The following OSTF1 variants were observed in gnomAD, a reference collection of about 807,000 sequenced individuals.
OSTF1 encodes osteoclast stimulating factor 1, also known as osteoclast-stimulating factor 1.
A neutral mutation model predicts 37.2 loss-of-function variants in OSTF1; 27 were observed. That is an observed-to-expected ratio of 0.73 (90% CI 0.54 to 1.00). The LOEUF is 1.00. Among genes scored for constraint, OSTF1 ranks in the 50% least tolerant of loss-of-function variants. The pLI is 0.00. For synonymous variants in OSTF1, 82 were observed against 89.2 expected (o/e 0.92, Z 0.46); for missense variants, 232 against 253.8 (o/e 0.91, Z 0.58).
intron 1 of OSTF1, among the ~76,000 whole-genome samples, chr9:75,090,314 TGTGTGTGTGTG>T (rs1157380639): frequency 6.6e-6 from 1 of 151,908 alleles, no homozygotes; most frequent in South Asian, 2.1e-4. Context: ...TGTGTGTGTG[TGTGTGTGTGTG>T]TGTGTACACA....
At position 75,117,554 on chromosome 9, in the gene OSTF1, A is replaced by C; in HGVS notation, c.81+4A>C. ...GTATACGTTTGAACCCAGAACTGTA[A>C]GTGTTCAGTTTTTAACTTCTAAAAT... On this transcript the variant is annotated splice_donor_region_variant and intron_variant, in intron 2 of 9. Transcript: ENST00000346234. The C allele has an allele frequency of 6.3e-7, 1 of 1,599,642 alleles. No individual in the cohort carries two copies. The highest frequency in any genetic ancestry group is 8.6e-7 in the Non-Finnish European group (1 of 1,167,638).
At chr9:75,145,499 G>A (rs1826009451) in intron 9 of OSTF1, among the ~76,000 whole-genome samples, 1 of 152,066 alleles carries the variant, frequency 6.6e-6, no homozygotes, top group African/African-American at 2.4e-5. Context: ...TTCACTAAAC[G>A]GCACAAAATG....
At chr9:75,118,745 C>T (rs1825533069) in intron 2 of OSTF1, among the ~76,000 whole-genome samples, 1 of 152,084 alleles carries the variant, frequency 6.6e-6, no homozygotes, top group African/African-American at 2.4e-5. Flanking sequence ...AAAGGGGAAA[C>T]CCCTTATAAA....
chr9:75,090,463 T>A (rs2118356245), intron 1 of OSTF1, among the ~76,000 whole-genome samples: 1 of 152,264 alleles, frequency 6.6e-6, no homozygotes, highest in East Asian at 1.9e-4. Context: ...ACATGACAGG[T>A]GTTTAGAGGG....
chr9:75,112,613 CAAAT>C (rs1423127495), intron 1 of OSTF1, among the ~76,000 whole-genome samples: 2 of 152,146 alleles, frequency 1.3e-5, no homozygotes, highest in African/African-American at 4.8e-5. Context: ...AATCAAAATG[CAAAT>C]AAATCTCCCA....
chr9:75,089,279 C>G (rs1824894790), intron 1 of OSTF1, among the ~76,000 whole-genome samples: 1 of 150,026 alleles, frequency 6.7e-6, no homozygotes, highest in South Asian at 2.1e-4. Flanking sequence ...ACCCTATACT[C>G]GCGCTCCTGG....
At chr9:75,117,748 G>C (rs143642916) in intron 2 of OSTF1, among the ~76,000 whole-genome samples, 198 bp downstream of exon 2, 1 of 152,166 alleles carries the variant, frequency 6.6e-6, no homozygotes, top group African/African-American at 2.4e-5. Context: ...GGTCATGTCT[G>C]TCTTGTAAAG....
rs1174174895 is a variant in OSTF1, at chr9:75,128,363, CATATATATATATATATATATATATATAT to C, written c.132+761_132+788del. ...GTAGAATATGGATATGTATGAAAGA[CATATATATATATATATATATATATATAT>C]ATATATATATATATATTTTGTCCAT... On this transcript the variant is annotated intron_variant, in intron 3 of 9. Coordinates refer to ENST00000346234, the MANE Select transcript of OSTF1 (RefSeq NM_012383.5). Among the ~76,000 whole-genome samples the C allele has an allele frequency of 4.6e-3, 53 of 11,520 alleles. No individual in the cohort carries two copies. In the East Asian group the frequency reaches 0.079, roughly 17 times the overall value. 7.6% of individuals were successfully genotyped at this position (11,520 alleles called of 152,430 possible). A position where few individuals can be genotyped will look rare whatever the true frequency, so the allele number is the denominator to read the frequency against.
intron 9 of OSTF1, among the ~76,000 whole-genome samples, chr9:75,145,898 C>T (rs1177142656): frequency 6.6e-6 from 1 of 152,200 alleles, no homozygotes; most frequent in African/African-American, 2.4e-5. Context: ...CCATCCCTTA[C>T]ACTTCCTGCC....
intron 9 of OSTF1, 119 bp from the exon 10 acceptor site, chr9:75,146,564 A>G: frequency 2.8e-6 from 2 of 718,768 alleles, no homozygotes; most frequent in Non-Finnish European, 2.4e-6. Flanking sequence ...CAGGGAAAGT[A>G]CAATCCCTGG....
At chr9:75,114,643 C>G (rs1825450703) in intron 1 of OSTF1, among the ~76,000 whole-genome samples, 1 of 151,916 alleles carries the variant, frequency 6.6e-6, no homozygotes, top group Non-Finnish European at 1.5e-5. Flanking sequence ...ACCTCCACCT[C>G]CTGGGTTCAG....
At chr9:75,134,467 C>T in intron 7 of OSTF1, 72 bp downstream of exon 7, 1 of 740,362 alleles carries the variant, frequency 1.4e-6, no homozygotes, top group Non-Finnish European at 2.3e-6. Flanking sequence ...AACTCATGGG[C>T]ATGTGAAGTA....
At chr9:75,143,879 A>C (rs1188914395) in intron 9 of OSTF1, among the ~76,000 whole-genome samples, 1 of 152,224 alleles carries the variant, frequency 6.6e-6, no homozygotes, top group Non-Finnish European at 1.5e-5. Flanking sequence ...CATGAAAGGA[A>C]AGAAGGAGAA....
intron 8 of OSTF1, among the ~76,000 whole-genome samples, chr9:75,138,515 A>G (rs560303930): frequency 1.3e-5 from 2 of 152,344 alleles, no homozygotes; most frequent in Admixed American, 6.5e-5. Flanking sequence ...TGTAAAATGC[A>G]TACCAGATTT....
At chr9:75,109,174 G>A (rs12342820) in intron 1 of OSTF1, among the ~76,000 whole-genome samples, 9,240 of 151,852 alleles carry the variant, frequency 0.061, 386 homozygotes, top group African/African-American at 0.11. Flanking sequence ...CAACACGCCC[G>A]GCTAGTTTTT....
chr9:75,129,601 C>T (rs546901840), intron 3 of OSTF1, among the ~76,000 whole-genome samples: 1 of 152,258 alleles, frequency 6.6e-6, no homozygotes, highest in South Asian at 2.1e-4. Flanking sequence ...AATTAAACCT[C>T]TAGAACTGAT....
chr9:75,095,450 A>G (rs1464392926), intron 1 of OSTF1, among the ~76,000 whole-genome samples: 1 of 152,190 alleles, frequency 6.6e-6, no homozygotes, highest in Non-Finnish European at 1.5e-5. Flanking sequence ...GAGGCAGCTG[A>G]GAAGATGTTA....
chr9:75,136,247 A>C (rs552516161), intron 7 of OSTF1, among the ~76,000 whole-genome samples: 16 of 152,310 alleles, frequency 1.1e-4, no homozygotes, highest in African/African-American at 3.8e-4. Context: ...TCTTGCTGAT[A>C]TAATATTTAT....
chr9:75,091,224 A>G (rs1414778464), intron 1 of OSTF1, among the ~76,000 whole-genome samples: 1 of 151,418 alleles, frequency 6.6e-6, no homozygotes, highest in Non-Finnish European at 1.5e-5. Flanking sequence ...AGCTGGGATT[A>G]CAGGCAGCCC....
Sources: allele counts gnomAD v4.1 joint callset (sites outside exome capture counted in the v4.1 genomes callset), GRCh38; gene constraint gnomAD v4.1.1; transcripts MANE v1.5; gene names NCBI Gene and HGNC (gene_info 2026-07-23, HGNC 2026-07-21).